ATRN: variants seen among roughly 807,000 people sequenced by gnomAD.
ATRN encodes the protein attractin, also known as attractin-2.
A neutral mutation model predicts 178.7 loss-of-function variants in ATRN; 54 were observed. The ratio of observed to expected loss-of-function variants is 0.30; its 90% CI spans 0.24 to 0.38. The LOEUF is 0.38. Ranked by LOEUF, ATRN falls within the 10% of genes least tolerant of loss-of-function variation. ATRN has a pLI of 1.00. For missense variants in ATRN, 1,443 were observed against 1,815.1 expected (o/e 0.79, Z 3.73); for synonymous variants, 636 against 663.0 (o/e 0.96, Z 0.63).
intron 1 of ATRN, among the ~76,000 whole-genome samples, chr20:3,512,107 A>ATTT (rs755934394): frequency 9.5e-4 from 101 of 106,348 alleles, no homozygotes; most frequent in East Asian, 1.2e-3. Context: ...ATATATATAT[A>ATTT]TTTTTTTTTT....
At chr20:3,540,519 G>A (rs2085603273) in intron 3 of ATRN, among the ~76,000 whole-genome samples, 184 bp downstream of exon 3, 1 of 152,190 alleles carries the variant, frequency 6.6e-6, no homozygotes, top group Admixed American at 6.5e-5. Flanking sequence ...GTAGCCCTGG[G>A]TAAGTTTCTA....
intron 1 of ATRN, among the ~76,000 whole-genome samples, chr20:3,533,517 C>T (rs1308796911): frequency 6.6e-6 from 1 of 152,148 alleles, no homozygotes; most frequent in Non-Finnish European, 1.5e-5. Context: ...GGTGTACCCC[C>T]CCGTTTTCTT....
chr20:3,620,511 A>G (rs559346891), intron 24 of ATRN, among the ~76,000 whole-genome samples: 47 of 115,632 alleles, frequency 4.1e-4, no homozygotes, highest in African/African-American at 2.1e-3. Flanking sequence ...CTCCCAAAGT[A>G]CTGGGATTAG....
At chr20:3,479,456 C>G (rs1432890190) in intron 1 of ATRN, among the ~76,000 whole-genome samples, 1 of 152,106 alleles carries the variant, frequency 6.6e-6, no homozygotes, top group African/African-American at 2.4e-5. Context: ...TGGTGGAAGA[C>G]ATCACAGAAG....
intron 1 of ATRN, among the ~76,000 whole-genome samples, chr20:3,481,791 CTTTTTTTTTTTT>C (rs780144563): frequency 2.0e-5 from 2 of 100,496 alleles, no homozygotes; most frequent in Non-Finnish European, 4.1e-5. Context: ...GGTGAATTTC[CTTTTTTTTTTTT>C]TTTTTTTTTT....
intron 3 of ATRN, among the ~76,000 whole-genome samples, chr20:3,541,837 C>G (rs958726197): frequency 6.6e-6 from 1 of 152,142 alleles, no homozygotes; most frequent in Non-Finnish European, 1.5e-5. Flanking sequence ...CATTTTATTT[C>G]CTTTACTTTA....
chr20:3,490,800 T>A, intron 1 of ATRN: 1 of 797,124 alleles, frequency 1.3e-6, no homozygotes, highest in Non-Finnish European at 2.3e-6. Flanking sequence ...TGAAATGGCA[T>A]TGAGTTCCTC....
chr20:3,559,267 C>T (rs2085919239), intron 6 of ATRN, 126 bp from the exon 7 acceptor site: 3 of 710,386 alleles, frequency 4.2e-6, no homozygotes, highest in Non-Finnish European at 7.5e-6. Flanking sequence ...GTGAAGGTGA[C>T]AAGTGCCCCC....
At chr20:3,497,723 G>C (rs1232473174) in intron 1 of ATRN, among the ~76,000 whole-genome samples, 1 of 151,990 alleles carries the variant, frequency 6.6e-6, no homozygotes, top group Non-Finnish European at 1.5e-5. Context: ...TGCTAGATTG[G>C]GGAAGTTCTC....
chr20:3,523,838 A>T (rs147438336), intron 1 of ATRN, among the ~76,000 whole-genome samples: 5,963 of 152,294 alleles, frequency 0.039, 158 homozygotes, highest in Non-Finnish European at 0.057. Flanking sequence ...GTGAAGGAGA[A>T]ATAAAATTAT....
chr20:3,495,450 G>T (rs1467907461), intron 1 of ATRN, among the ~76,000 whole-genome samples: 1 of 152,168 alleles, frequency 6.6e-6, no homozygotes, highest in Non-Finnish European at 1.5e-5. Context: ...TGAGAACCCT[G>T]TATCAGGGGT....
At chr20:3,625,253 A>G (rs2086928528) in intron 25 of ATRN, among the ~76,000 whole-genome samples, 1 of 152,146 alleles carries the variant, frequency 6.6e-6, no homozygotes. Flanking sequence ...ATGAGGATAT[A>G]CTGTGTTACA....
intron 24 of ATRN, 98 bp downstream of exon 24, chr20:3,604,360 C>G: frequency 2.2e-6 from 3 of 1,373,156 alleles, no homozygotes; most frequent in Non-Finnish European, 2.9e-6. Flanking sequence ...ATGAGATGTG[C>G]AATGTGGCTT....
At chr20:3,580,968 G>A (rs946433776) in intron 15 of ATRN, among the ~76,000 whole-genome samples, 3 of 152,220 alleles carry the variant, frequency 2.0e-5, no homozygotes, top group Non-Finnish European at 4.4e-5. Flanking sequence ...TAGGCTGGGT[G>A]TGGTGGCTCC....
chr20:3,550,065 C>A (rs142634473), intron 6 of ATRN, among the ~76,000 whole-genome samples: 1 of 152,246 alleles, frequency 6.6e-6, no homozygotes, highest in African/African-American at 2.4e-5. Context: ...CAGTGGCTCA[C>A]GCCTATAACC....
At chr20:3,502,051 G>C (rs1282743842) in intron 1 of ATRN, among the ~76,000 whole-genome samples, 3 of 152,116 alleles carry the variant, frequency 2.0e-5, no homozygotes, top group Non-Finnish European at 4.4e-5. Context: ...TTGTTTGCTA[G>C]AAGCAAATGT....
Position 3,621,141 on chromosome 20 carries a change from C to T in ATRN, c.3802-3370C>T, listed in dbSNP as rs138988968. Among the ~76,000 whole-genome samples, 31 of 152,142 alleles carry T rather than the reference C, an allele frequency of 2.0e-4. 1 individual carries two copies. The highest frequency in any genetic ancestry group is 4.0e-4 in the Non-Finnish European group (27 of 68,016). On this transcript the variant is annotated intron_variant, in intron 24 of 28. Coordinates refer to ENST00000262919, the MANE Select transcript of ATRN (RefSeq NM_139321.3). ...CACACGCCCTGAGAGGGAAGCAGAT[C>T]AATGGTGAGGGAGCGTAGAGGAGAG... is the stretch of plus-strand genomic sequence containing the variant.
intron 1 of ATRN, chr20:3,490,875 T>A: frequency 1.1e-6 from 1 of 922,782 alleles, no homozygotes. Context: ...CATATACCTA[T>A]CTTGCATGGC....
chr20:3,479,853 T>C (rs1321055968), intron 1 of ATRN, among the ~76,000 whole-genome samples: 1 of 152,160 alleles, frequency 6.6e-6, no homozygotes, highest in Non-Finnish European at 1.5e-5. Context: ...TGTGATACTC[T>C]CCCTCCCTTT....
Sources: allele counts gnomAD v4.1 joint callset (sites outside exome capture counted in the v4.1 genomes callset), GRCh38; gene constraint gnomAD v4.1.1; transcripts MANE v1.5; gene names NCBI Gene and HGNC (gene_info 2026-07-23, HGNC 2026-07-21).